MRPS22: variants seen among roughly 807,000 people sequenced by gnomAD.
The protein encoded by MRPS22 is mitochondrial ribosomal protein S22, also known as small ribosomal subunit protein mS22.
In MRPS22, 30 loss-of-function variants were observed where a neutral mutation model predicts 44.0. The observed-to-expected ratio is 0.68, with a 90% confidence interval of 0.51 to 0.93. The LOEUF (loss-of-function observed/expected upper bound fraction) is 0.93. Among genes scored for constraint, MRPS22 ranks in the 40% least tolerant of loss-of-function variants. The pLI is 0.00. For missense variants in MRPS22, 447 were observed against 447.8 expected (o/e 1.00, Z 0.02); for synonymous variants, 165 against 154.4 (o/e 1.07, Z -0.51).
At chr3:139,352,614 A>T (rs1425209131) in intron 5 of MRPS22, 33 bp from the exon 6 acceptor site, 1 of 1,599,844 alleles carries the variant, frequency 6.3e-7, no homozygotes, top group African/African-American at 1.3e-5. Context: ...TCTTATTTTC[A>T]TGTTTCTGAA....
chr3:139,349,121 A>G (rs1205065457), intron 3 of MRPS22: 7 of 348,456 alleles, frequency 2.0e-5, no homozygotes, highest in South Asian at 8.9e-5. Flanking sequence ...CATAATGAAC[A>G]TGAGTCACAG....
At chr3:139,351,331 T>G in intron 5 of MRPS22, 2 of 440,864 alleles carry the variant, frequency 4.5e-6, no homozygotes, top group South Asian at 4.2e-5. Flanking sequence ...CCAAGTTTGA[T>G]GACAAAGCCT....
Position 139,344,021 on chromosome 3 carries a change from A to G in MRPS22, c.-6A>G. On this transcript the variant is annotated 5_prime_UTR_variant, in exon 1 of 8. Transcript: ENST00000680020. ...CCACTTCCGGCGCAAGTGGCTTCTG[A>G]TAATCATGGCGCCCCTCGGAACAAC... The G allele has an allele frequency of 6.2e-7, 1 of 1,614,088 alleles. No individual in the cohort carries two copies. The highest frequency in any genetic ancestry group is 8.5e-7 in the Non-Finnish European group (1 of 1,180,018).
At chr3:139,347,144 C>T (rs1205256635) in intron 2 of MRPS22, 100 bp downstream of exon 2, 17 of 1,360,676 alleles carry the variant, frequency 1.2e-5, no homozygotes, top group Non-Finnish European at 1.7e-5. Context: ...CTTCCATAGG[C>T]ACTAGTGAAA....
At chr3:139,355,155 TC>T (rs1941222541) in intron 6 of MRPS22, among the ~76,000 whole-genome samples, 1 of 152,210 alleles carries the variant, frequency 6.6e-6, no homozygotes, top group African/African-American at 2.4e-5. Flanking sequence ...ACTAATGCGT[TC>T]CTGTGAATCC....
At chr3:139,356,878 T>G in intron 7 of MRPS22, 41 bp from the exon 8 acceptor site, 3 of 1,399,478 alleles carry the variant, frequency 2.1e-6, no homozygotes, top group Non-Finnish European at 3.0e-6. Context: ...ATAAATAGCA[T>G]ATGTCCTATT....
rs759211223 is a variant in MRPS22 at position 139,352,788 on chromosome 3, G to C, written c.874G>C (p.Asp292His). The part of the protein sequence containing the change: ...DGLLIDQIQR[D>H]LIDDATNLVQ... ...TTTGCTGATTGACCAGATTCAGAGA[G>C]ATTTGTAAGTATGATCTTAGTAAGT... Residue 292 changes from aspartate (D) to histidine (H), a missense_variant, in exon 6 of 8, where the codon GAT (aspartate) becomes CAT (histidine). Coordinates refer to ENST00000680020, the MANE Select transcript of MRPS22 (RefSeq NM_020191.4). 2 of 1,613,098 alleles carry C rather than the reference G, an allele frequency of 1.2e-6. No individual in the cohort carries two copies. The highest frequency in any genetic ancestry group is 2.2e-5 in the South Asian group (2 of 91,044).
intron 5 of MRPS22, chr3:139,351,281 T>C: frequency 1.9e-6 from 1 of 520,414 alleles, no homozygotes; most frequent in East Asian, 3.6e-5. Flanking sequence ...TTAAGTAGCT[T>C]GCTGAAAGTT....
At chr3:139,344,286 C>A (rs1424056446) in intron 1 of MRPS22, 88 bp downstream of exon 1, 5 of 1,372,044 alleles carry the variant, frequency 3.6e-6, no homozygotes, top group Admixed American at 2.0e-5. Context: ...CGATAGCCCC[C>A]GCGACACGTA....
At chr3:139,350,884 C>T (rs1941138033) in intron 4 of MRPS22, 93 bp from the exon 5 acceptor site, 3 of 903,212 alleles carry the variant, frequency 3.3e-6, no homozygotes, top group South Asian at 1.3e-5. Context: ...CACAGAGTGG[C>T]CAGTATGTGG....
intron 5 of MRPS22, chr3:139,352,195 T>C (rs1030577852): frequency 5.5e-6 from 1 of 182,000 alleles, no homozygotes; most frequent in Non-Finnish European, 1.2e-5. Context: ...TGGCTATAAA[T>C]GTTTGGTATT....
chr3:139,345,409 A>C (rs1488905388), intron 1 of MRPS22, among the ~76,000 whole-genome samples: 1 of 151,692 alleles, frequency 6.6e-6, no homozygotes, highest in Middle Eastern at 3.2e-3. Context: ...TTATGAAGGC[A>C]AACAATCAGT....
intron 7 of MRPS22, among the ~76,000 whole-genome samples, chr3:139,356,568 C>A (rs1457087380): frequency 6.6e-6 from 1 of 152,160 alleles, no homozygotes; most frequent in Non-Finnish European, 1.5e-5. Flanking sequence ...AGAAAATATT[C>A]TTTAAAGTCA....
intron 1 of MRPS22, among the ~76,000 whole-genome samples, chr3:139,344,934 G>C (rs1246236568): frequency 3.3e-5 from 5 of 152,100 alleles, no homozygotes; most frequent in Non-Finnish European, 5.9e-5. Context: ...AAACCTATTT[G>C]GGACACATTA....
intron 7 of MRPS22, among the ~76,000 whole-genome samples, chr3:139,356,597 CTT>C (rs1941274052): frequency 6.6e-6 from 1 of 152,178 alleles, no homozygotes; most frequent in Non-Finnish European, 1.5e-5. Context: ...TTTGGTAACT[CTT>C]AGCCTCCAGA....
chr3:139,345,352 C>A (rs1039135637), intron 1 of MRPS22, among the ~76,000 whole-genome samples: 8 of 151,412 alleles, frequency 5.3e-5, no homozygotes, highest in Admixed American at 2.0e-4. Flanking sequence ...ATGAGGATAG[C>A]CTTGACTAGA....
intron 1 of MRPS22, among the ~76,000 whole-genome samples, chr3:139,345,842 T>G (rs1334404693): frequency 6.6e-6 from 1 of 152,144 alleles, no homozygotes; most frequent in Non-Finnish European, 1.5e-5. Context: ...AAGGTGATCT[T>G]GGCAGGAGAT....
chr3:139,346,812 T>C, intron 1 of MRPS22, 66 bp from the exon 2 acceptor site: 2 of 1,558,452 alleles, frequency 1.3e-6, no homozygotes, highest in Non-Finnish European at 1.8e-6. Context: ...TAACTGACTT[T>C]TCTATTTAGA....
Position 139,357,058 on chromosome 3 carries a change from T to A in MRPS22, c.*44T>A. On this transcript the variant is annotated 3_prime_UTR_variant, in exon 8 of 8. Coordinates refer to ENST00000680020, the MANE Select transcript of MRPS22 (RefSeq NM_020191.4). ...TTTATTTTACTAAATACTGACTACATTTCTCTGTTAATATTGAGCTAAATG... is the reference window on the plus strand; with the variant it reads ...TTTATTTTACTAAATACTGACTACAATTCTCTGTTAATATTGAGCTAAATG... 1 of 1,417,814 alleles carries A rather than the reference T, an allele frequency of 7.1e-7. No individual in the cohort carries two copies. Among genetic ancestry groups the A allele is most frequent in the South Asian group, 1.2e-5 (1 of 84,032 alleles). 87.8% of individuals were successfully genotyped at this position (1,417,814 alleles called of 1,614,324 possible).
Sources: gnomAD v4.1 joint callset for allele counts (sites outside exome capture counted in the v4.1 genomes callset) on GRCh38, gnomAD v4.1.1 for gene constraint, MANE v1.5 for transcripts, NCBI Gene and HGNC (gene_info 2026-07-23, HGNC 2026-07-21) for gene names.